ROBO1: variants seen among roughly 807,000 people sequenced by gnomAD.
The protein encoded by ROBO1 is roundabout guidance receptor 1, also known as roundabout homolog 1.
In ROBO1, 149 loss-of-function variants were observed where a neutral mutation model predicts 195.9. That is an observed-to-expected ratio of 0.76 (90% CI 0.67 to 0.87). ROBO1 has a LOEUF of 0.87. Ranked by LOEUF, ROBO1 falls within the 40% of genes least tolerant of loss-of-function variation. The probability of loss-of-function intolerance (pLI) is 0.00; values close to 1 mark genes in which losing one functional copy is unlikely to be tolerated. For synonymous variants in ROBO1, 816 were observed against 733.2 expected, an observed-to-expected ratio of 1.11 and a Z score of -1.82; for missense variants, 1,933 against 2,068.3, an observed-to-expected ratio of 0.93 and a Z score of 1.27.
At chr3:78,723,863 T>C (rs2082100150) in intron 5 of ROBO1, among the ~76,000 whole-genome samples, 1 of 152,112 alleles carries the variant, frequency 6.6e-6, no homozygotes, top group Non-Finnish European at 1.5e-5. Context: ...ATAATACAAA[T>C]AATATTTATT....
At chr3:79,291,096 C>T (rs1011000111) in intron 2 of ROBO1, among the ~76,000 whole-genome samples, 9 of 152,150 alleles carry the variant, frequency 5.9e-5, no homozygotes, top group African/African-American at 1.2e-4. Flanking sequence ...CTCAATATAT[C>T]GGTTTGTTAT....
intron 2 of ROBO1, among the ~76,000 whole-genome samples, chr3:79,341,785 AG>A (rs1365330313): frequency 4.6e-5 from 7 of 152,180 alleles, no homozygotes; most frequent in African/African-American, 1.7e-4. Context: ...GAATTATTAG[AG>A]TAAATCTTTG....
At chr3:79,085,454 A>C (rs2079349940) in intron 3 of ROBO1, among the ~76,000 whole-genome samples, 1 of 152,156 alleles carries the variant, frequency 6.6e-6, no homozygotes, top group African/African-American at 2.4e-5. Flanking sequence ...ACTTCATGAA[A>C]GAGACCTGAT....
At chr3:79,434,593 G>A (rs1376186837) in intron 2 of ROBO1, among the ~76,000 whole-genome samples, 1 of 151,924 alleles carries the variant, frequency 6.6e-6, no homozygotes, top group Non-Finnish European at 1.5e-5. Flanking sequence ...GGAGAAATAG[G>A]AACACTTTTA....
At chr3:79,051,079 A>G (rs2078687564) in intron 3 of ROBO1, among the ~76,000 whole-genome samples, 2 of 152,186 alleles carry the variant, frequency 1.3e-5, no homozygotes, top group Admixed American at 6.6e-5. Flanking sequence ...TGAAGGAGAT[A>G]GAGACACAAA....
intron 1 of ROBO1, among the ~76,000 whole-genome samples, chr3:79,645,605 C>G (rs1234162674): frequency 6.6e-6 from 1 of 152,070 alleles, no homozygotes; most frequent in Non-Finnish European, 1.5e-5. Context: ...ACATTCTTCA[C>G]AGAAATAGAA....
intron 2 of ROBO1, among the ~76,000 whole-genome samples, chr3:79,148,041 C>A (rs1178177806): frequency 6.6e-6 from 1 of 151,766 alleles, no homozygotes; most frequent in Admixed American, 6.6e-5. Context: ...TAGCTTTTTT[C>A]TTTCTTTCCT....
At chr3:79,462,461 T>C (rs567619534) in intron 2 of ROBO1, among the ~76,000 whole-genome samples, 2 of 152,358 alleles carry the variant, frequency 1.3e-5, no homozygotes, top group East Asian at 3.9e-4. Flanking sequence ...GCTAATAGAA[T>C]ATGAGGTGAC....
intron 4 of ROBO1, among the ~76,000 whole-genome samples, chr3:78,824,875 T>G (rs2031433934): frequency 6.6e-6 from 1 of 152,240 alleles, no homozygotes; most frequent in Admixed American, 6.5e-5. Context: ...AACCTGCCAT[T>G]TTCTCTCCTT....
rs775644520 is a variant in ROBO1, at chr3:78,627,426, T to C, written c.3770A>G (p.His1257Arg). 14 of 1,613,058 alleles carry C rather than the reference T, an allele frequency of 8.7e-6. No individual in the cohort carries two copies. Among genetic ancestry groups the C allele is most frequent in the East Asian group, 4.5e-5 (2 of 44,758 alleles). ...GGGAGTCAGAGTGGCAGTGGACTGA[T>C]GGCTATAGGACACGGCAGCTGGAGA... ...ASSPAAVSYS[H>R]QSTATLTPSP... Residue 1257 changes from histidine (H) to arginine (R), a missense_variant, in exon 26 of 31, where the codon CAT becomes CGT. Around this residue, in one of 3 missense-constraint regions of ROBO1, gnomAD observed 1,737 missense variants for 1,882.5 expected, o/e 0.92. Coordinates refer to ENST00000464233, the MANE Select transcript of ROBO1 (RefSeq NM_002941.4).
At chr3:78,981,535 T>A (rs894187999) in intron 3 of ROBO1, among the ~76,000 whole-genome samples, 16 of 152,180 alleles carry the variant, frequency 1.1e-4, no homozygotes, top group African/African-American at 3.9e-4. Flanking sequence ...ATATTCACAT[T>A]ACTGAGAAAC....
intron 2 of ROBO1, among the ~76,000 whole-genome samples, chr3:79,408,642 C>T (rs1442381287): frequency 6.6e-6 from 1 of 152,078 alleles, no homozygotes; most frequent in Non-Finnish European, 1.5e-5. Context: ...ACATATAAAT[C>T]TGTACAGCCT....
chr3:79,317,917 T>C (rs754888674), intron 2 of ROBO1, among the ~76,000 whole-genome samples: 2 of 152,158 alleles, frequency 1.3e-5, no homozygotes, highest in Admixed American at 6.5e-5. Context: ...TAAACAACTT[T>C]ATGTGTGTGT....
chr3:79,603,156 G>T (rs1249693962), intron 1 of ROBO1, among the ~76,000 whole-genome samples: 1 of 151,896 alleles, frequency 6.6e-6, no homozygotes, highest in Admixed American at 6.6e-5. Flanking sequence ...TGGTGAAATT[G>T]AGATGGCTTG....
chr3:79,557,236 A>ATTT lies in ROBO1; in HGVS notation c.88+32587_88+32588insAAA, dbSNP rs1942735844. Among the ~76,000 whole-genome samples, 4 of 152,208 alleles carry ATTT rather than the reference A, an allele frequency of 2.6e-5. No individual in the cohort carries two copies. The South Asian group carries it at 6.2e-4, about 24-fold the overall frequency. ...TTTATCTGCAGATATCAAGTATTTG[A>ATTT]TCAAGTAATAAATTAAGAAGTAACA... On this transcript the variant is annotated intron_variant, in intron 2 of 30. Transcript: ENST00000464233.
intron 4 of ROBO1, among the ~76,000 whole-genome samples, chr3:78,925,691 G>T (rs2039173332): frequency 6.6e-6 from 1 of 152,120 alleles, no homozygotes; most frequent in Non-Finnish European, 1.5e-5. Flanking sequence ...GCGGTGAGAA[G>T]TAAGTGCCAA....
At chr3:79,043,330 C>T (rs1409019090) in intron 3 of ROBO1, among the ~76,000 whole-genome samples, 1 of 152,030 alleles carries the variant, frequency 6.6e-6, no homozygotes, top group Non-Finnish European at 1.5e-5. Context: ...TATGAACTTG[C>T]TCTTCTCAGG....
At chr3:79,020,846 T>G (rs1167865939) in intron 3 of ROBO1, among the ~76,000 whole-genome samples, 1 of 151,318 alleles carries the variant, frequency 6.6e-6, no homozygotes, top group African/African-American at 2.4e-5. Context: ...AGAAGCTGCT[T>G]TCGGTGGTTG....
At chr3:79,296,009 A>T (rs182013658) in intron 2 of ROBO1, among the ~76,000 whole-genome samples, 21 of 152,310 alleles carry the variant, frequency 1.4e-4, no homozygotes, top group Non-Finnish European at 2.9e-5. Context: ...TAGAAATAAA[A>T]GTTGAAGGAG....
Sources: gnomAD v4.1 joint callset for allele counts (sites outside exome capture counted in the v4.1 genomes callset) on GRCh38, gnomAD v4.1.1 for gene constraint, gnomAD v4.1.1 regional missense constraint, MANE v1.5 for transcripts, NCBI Gene and HGNC (gene_info 2026-07-23, HGNC 2026-07-21) for gene names.